Variants in CARM1 observed in about 807,000 individuals in gnomAD.
CARM1 encodes the protein histone-arginine methyltransferase CARM1.
A neutral mutation model predicts 72.7 loss-of-function variants in CARM1; 14 were observed. The observed-to-expected ratio is 0.19, with a 90% confidence interval of 0.13 to 0.30. CARM1 has a LOEUF of 0.30. CARM1 is among the 10% of genes least tolerant of loss of function. The pLI is 1.00. For missense variants in CARM1, 432 were observed against 833.7 expected, an observed-to-expected ratio of 0.52 and a Z score of 5.93; for synonymous variants, 333 against 345.5, an observed-to-expected ratio of 0.96 and a Z score of 0.40.
Position 10,908,159 on chromosome 19 carries a change from C to T in CARM1, c.453+14C>T. On this transcript the variant is annotated intron_variant, in intron 3 of 15. Coordinates refer to ENST00000327064, the MANE Select transcript of CARM1 (RefSeq NM_199141.2). ...CAGTACTTCCAGGTGGGTTGTACTC[C>T]CCCTCAGCCAGGCCGCCTCCCCCCG... 1 of 1,583,904 alleles carries T rather than the reference C, an allele frequency of 6.3e-7. No homozygotes were observed. The highest frequency in any genetic ancestry group is 8.7e-7 in the Non-Finnish European group (1 of 1,152,616).
chr19:10,889,806 T>C (rs2073968055), intron 1 of CARM1, among the ~76,000 whole-genome samples: 1 of 152,144 alleles, frequency 6.6e-6, no homozygotes, highest in Non-Finnish European at 1.5e-5. Flanking sequence ...TTTGAAGGAA[T>C]GAAGACGAAT....
At chr19:10,893,921 C>T (rs145115513) in intron 1 of CARM1, among the ~76,000 whole-genome samples, 69 of 152,324 alleles carry the variant, frequency 4.5e-4, no homozygotes, top group Middle Eastern at 6.8e-3. Flanking sequence ...AACCTAAGTC[C>T]TCCTTGATGC....
rs1476754499 is a variant in CARM1 at position 10,882,592 on chromosome 19, A to AC, written c.220+10670_220+10671insC. Among the ~76,000 whole-genome samples the AC allele has an allele frequency of 3.0e-5, 4 of 131,520 alleles. No homozygotes were observed. In the Admixed American group the frequency reaches 3.5e-4, roughly 12 times the overall value. 86.3% of individuals were successfully genotyped at this position (131,520 alleles called of 152,430 possible). On this transcript the variant is annotated intron_variant, in intron 1 of 15. Transcript: ENST00000327064. ...GGTCTCACTCTGTCGCCCAGGCTGG[A>AC]ATACAGTGGAGCGATTTCTGCTCAT...
At chr19:10,875,522 T>C (rs2073856768) in intron 1 of CARM1, among the ~76,000 whole-genome samples, 1 of 152,110 alleles carries the variant, frequency 6.6e-6, no homozygotes, top group South Asian at 2.1e-4. Flanking sequence ...CCTCCTGGGT[T>C]CAGGCCATTC....
intron 1 of CARM1, among the ~76,000 whole-genome samples, chr19:10,901,654 G>C (rs1038400757): frequency 6.7e-6 from 1 of 150,112 alleles, no homozygotes; most frequent in Non-Finnish European, 1.5e-5. Flanking sequence ...AGTTAAAAAA[G>C]TTCTTGGCCC....
Position 10,916,329 on chromosome 19 carries a change from TG to T in CARM1, c.848-74del. On this transcript the variant is annotated intron_variant, in intron 6 of 15. Transcript: ENST00000327064. The surrounding 1 kb of genome is among the most constrained non-coding windows in gnomAD (Gnocchi z 4.4). ...TGGGAGCACCCAGGGTTGGGGGTCTTGGGGTCCTTTGGAAGCTCTGCCAGGC... is the reference window on the plus strand; with the variant it reads ...TGGGAGCACCCAGGGTTGGGGGTCTTGGGTCCTTTGGAAGCTCTGCCAGGC... 3 of 969,820 alleles carry T rather than the reference TG, an allele frequency of 3.1e-6. No homozygotes were observed. Among genetic ancestry groups the T allele is most frequent in the Non-Finnish European group, 3.3e-6 (2 of 607,808 alleles). The allele number at this position is 969,820 out of a possible 1,614,324, so 60.1% of individuals were successfully genotyped here. A position where few individuals can be genotyped will look rare whatever the true frequency, so the allele number is the denominator to read the frequency against.
intron 8 of CARM1, among the ~76,000 whole-genome samples, chr19:10,917,478 A>G (rs1489369945): frequency 6.6e-6 from 1 of 151,910 alleles, no homozygotes; most frequent in Non-Finnish European, 1.5e-5. Context: ...CTCCGTCTCA[A>G]AAAAAAAGAA....
intron 1 of CARM1, among the ~76,000 whole-genome samples, chr19:10,890,750 TAC>T (rs1296998106): frequency 7.2e-6 from 1 of 138,194 alleles, no homozygotes; most frequent in African/African-American, 2.7e-5. Flanking sequence ...CACATGCATA[TAC>T]ACACACACAT....
chr19:10,887,005 G>C (rs2073947161), intron 1 of CARM1, among the ~76,000 whole-genome samples: 1 of 152,150 alleles, frequency 6.6e-6, no homozygotes, highest in Admixed American at 6.5e-5. Context: ...TCGGTGTCCT[G>C]AGGAGCTGGG....
chr19:10,909,367 G>A (rs776122290), intron 4 of CARM1, among the ~76,000 whole-genome samples, 160 bp downstream of exon 4: 11 of 152,000 alleles, frequency 7.2e-5, no homozygotes, highest in Non-Finnish European at 1.2e-4. Context: ...TGAGTTTGAG[G>A]CTGCAGTAAG....
At chr19:10,894,316 C>T (rs144246635) in intron 1 of CARM1, among the ~76,000 whole-genome samples, 1 of 152,252 alleles carries the variant, frequency 6.6e-6, no homozygotes, top group Non-Finnish European at 1.5e-5. Flanking sequence ...GCATGTGGTC[C>T]GGGCAGAGCA....
chr19:10,871,574 GGCGGCGGTAGCGGCA>G lies in CARM1; in HGVS notation c.-121_-107del, dbSNP rs1303121364. On this transcript the variant is annotated 5_prime_UTR_variant, in exon 1 of 16. Transcript: ENST00000327064. The surrounding 1 kb of genome is among the most constrained non-coding windows in gnomAD (Gnocchi z 5.6). ...CGGCCTCGGCCTGCACGGCGGCTGC[GGCGGCGGTAGCGGCA>G]GCGGCGGCGGCGGCGGCGGCGGCGG... The G allele has an allele frequency of 2.7e-5, 4 of 146,162 alleles. No individual in the cohort carries two copies. Among genetic ancestry groups the G allele is most frequent in the African/African-American group, 2.5e-5 (1 of 39,912 alleles). 9.1% of individuals were successfully genotyped at this position (146,162 alleles called of 1,614,324 possible). A position where few individuals can be genotyped will look rare whatever the true frequency, so the allele number is the denominator to read the frequency against.
At chr19:10,891,464 C>T (rs1300956359) in intron 1 of CARM1, among the ~76,000 whole-genome samples, 2 of 152,138 alleles carry the variant, frequency 1.3e-5, no homozygotes, top group South Asian at 2.1e-4. Context: ...ATCACACCCA[C>T]TGAGGGCCGT....
intron 8 of CARM1, among the ~76,000 whole-genome samples, chr19:10,917,293 C>T (rs138669383): frequency 2.6e-5 from 4 of 152,030 alleles, no homozygotes; most frequent in Non-Finnish European, 5.9e-5. Context: ...GAGACCAACA[C>T]GGTGAAACCC....
chr19:10,885,482 G>A (rs1410340879), intron 1 of CARM1, among the ~76,000 whole-genome samples: 2 of 152,186 alleles, frequency 1.3e-5, no homozygotes, highest in Non-Finnish European at 1.5e-5. Context: ...CCTGCCCAGC[G>A]GTGTGGGCAT....
Position 10,871,909 on chromosome 19 carries a change from C to T in CARM1, c.207C>T (p.Ile69=). The T allele has an allele frequency of 8.2e-7, 1 of 1,218,662 alleles. No individual in the cohort carries two copies. The highest frequency in any genetic ancestry group is 3.6e-5 in the East Asian group (1 of 28,062). The allele number at this position is 1,218,662 out of a possible 1,614,324, so 75.5% of individuals were successfully genotyped here. A position where few individuals can be genotyped will look rare whatever the true frequency, so the allele number is the denominator to read the frequency against. ...GCGCCGGCCCGGACTCGGCGGGCAT[C>T]GCCCTCTACAGCCGTGAGTACGGGG... The part of the protein sequence containing the change: ...EVRAGPDSAG[I]ALYSHEDVCV... Residue 69 remains isoleucine (I), a synonymous_variant, in exon 1 of 16, where the codon ATC becomes ATT. Coordinates refer to ENST00000327064, the MANE Select transcript of CARM1 (RefSeq NM_199141.2). This position sits in a 1 kb window ranked among gnomAD's most constrained non-coding sequence, Gnocchi z 5.6.
At chr19:10,887,861 TCTGGAGCGCCCCC>T in intron 1 of CARM1, among the ~76,000 whole-genome samples, 1 of 152,128 alleles carries the variant, frequency 6.6e-6, no homozygotes, top group East Asian at 1.9e-4. Flanking sequence ...CTCCAGCCTC[TCTGGAGCGCCCCC>T]CTGTACTCCC....
intron 1 of CARM1, among the ~76,000 whole-genome samples, chr19:10,873,329 C>A (rs375308355): frequency 1.3e-5 from 2 of 151,928 alleles, no homozygotes; most frequent in Non-Finnish European, 1.5e-5. Flanking sequence ...TAGGACCAGG[C>A]GGGGTAGCTC....
In CARM1 at chr19:10,921,908, A is replaced by G; in HGVS notation, c.*151A>G. On this transcript the variant is annotated 3_prime_UTR_variant, in exon 16 of 16. Coordinates refer to ENST00000327064, the MANE Select transcript of CARM1 (RefSeq NM_199141.2). Reference sequence around the variant, plus strand: ...GGGAACTGGGACACTTTTTTACACGATGTTGCCGCCGTCCCCACCCTAACC... The same window carrying G: ...GGGAACTGGGACACTTTTTTACACGGTGTTGCCGCCGTCCCCACCCTAACC... 1 of 735,052 alleles carries G rather than the reference A, an allele frequency of 1.4e-6. No individual in the cohort carries two copies. The highest frequency in any genetic ancestry group is 2.1e-6 in the Non-Finnish European group (1 of 465,430). 45.5% of individuals were successfully genotyped at this position (735,052 alleles called of 1,614,324 possible).
Sources: allele counts gnomAD v4.1 joint callset (sites outside exome capture counted in the v4.1 genomes callset), GRCh38; gene constraint gnomAD v4.1.1; non-coding constraint Gnocchi (gnomAD v3.1); transcripts MANE v1.5; gene names NCBI Gene and HGNC (gene_info 2026-07-23, HGNC 2026-07-21).